Variants in PPP3CC observed in about 807,000 individuals in gnomAD.
The protein encoded by PPP3CC is serine/threonine-protein phosphatase 2B catalytic subunit gamma isoform.
A neutral mutation model predicts 60.3 loss-of-function variants in PPP3CC; 35 were observed. The observed-to-expected ratio is 0.58, with a 90% confidence interval of 0.44 to 0.77. The LOEUF (loss-of-function observed/expected upper bound fraction) is 0.77, where lower values mean the gene tolerates loss of function less well. Among genes scored for constraint, PPP3CC ranks in the 30% least tolerant of loss-of-function variants. PPP3CC has a pLI of 0.00. For synonymous variants in PPP3CC, 206 were observed against 224.3 expected (o/e 0.92, Z 0.73); for missense variants, 570 against 628.9 (o/e 0.91, Z 1.00).
chr8:22,512,429 T>G (rs1839113738), intron 5 of PPP3CC, among the ~76,000 whole-genome samples: 1 of 152,226 alleles, frequency 6.6e-6, no homozygotes, highest in Non-Finnish European at 1.5e-5. Flanking sequence ...TTTTATGCTT[T>G]CAACTAAAGC....
At chr8:22,532,880 A>G in intron 11 of PPP3CC, 41 bp from the exon 12 acceptor site, 2 of 1,351,536 alleles carry the variant, frequency 1.5e-6, no homozygotes, top group Non-Finnish European at 1.0e-6. Flanking sequence ...CTGAATGGAG[A>G]GTTCTCGGGC....
chr8:22,482,050 G>A (rs1436760078), intron 3 of PPP3CC, among the ~76,000 whole-genome samples: 1 of 152,050 alleles, frequency 6.6e-6, no homozygotes, highest in Non-Finnish European at 1.5e-5. Context: ...GTATATACGC[G>A]ATAATGGGAT....
Position 22,441,323 on chromosome 8 carries a change from G to C in PPP3CC, c.-87G>C. ...CACGGCTGGCTGACGGCTCCGGGCA[G>C]CTAAGGCTGCCCGAGGAGAAGGCGG... On this transcript the variant is annotated 5_prime_UTR_variant, in exon 1 of 14. Transcript: ENST00000240139. 4 of 1,400,026 alleles carry C rather than the reference G, an allele frequency of 2.9e-6. No individual in the cohort carries two copies. The highest frequency in any genetic ancestry group is 2.9e-6 in the Non-Finnish European group (3 of 1,050,542). The allele number at this position is 1,400,026 out of a possible 1,614,324, so 86.7% of individuals were successfully genotyped here.
chr8:22,455,719 T>C (rs917998654), intron 1 of PPP3CC, among the ~76,000 whole-genome samples: 28 of 152,222 alleles, frequency 1.8e-4, no homozygotes, highest in African/African-American at 6.5e-4. Context: ...AGTTTTTAGC[T>C]AATACTTTGA....
chr8:22,527,314 G>A (rs1395682417), intron 8 of PPP3CC, 78 bp from the exon 9 acceptor site: 1 of 1,481,334 alleles, frequency 6.8e-7, no homozygotes, highest in African/African-American at 1.4e-5. Context: ...TGTGTAGCAG[G>A]TACACAGCTG....
intron 4 of PPP3CC, among the ~76,000 whole-genome samples, chr8:22,499,307 C>T (rs1385511809): frequency 1.3e-5 from 2 of 149,980 alleles, no homozygotes; most frequent in Non-Finnish European, 3.0e-5. Flanking sequence ...GGCGCGGTGG[C>T]GGGCGCCTGT....
At chr8:22,446,515 A>G (rs1836826013) in intron 1 of PPP3CC, among the ~76,000 whole-genome samples, 1 of 152,220 alleles carries the variant, frequency 6.6e-6, no homozygotes, top group African/African-American at 2.4e-5. Context: ...CTATTAAGGT[A>G]ACATTTTTGG....
rs949203120 is a variant in PPP3CC, at chr8:22,537,933, TG to T, written c.1322-1531del. Among the ~76,000 whole-genome samples, 186 of 152,210 alleles carry T rather than the reference TG, an allele frequency of 1.2e-3. 1 individual carries two copies. Among genetic ancestry groups the T allele is most frequent in the African/African-American group, 4.3e-3 (177 of 41,530 alleles). On this transcript the variant is annotated intron_variant, in intron 12 of 13. Coordinates refer to ENST00000240139, the MANE Select transcript of PPP3CC (RefSeq NM_005605.5). ...GAAATGGGAAGTGAGTGCTAATAAG[TG>T]GGGGATTTCTCATTGGGGCAATGAA...
intron 4 of PPP3CC, among the ~76,000 whole-genome samples, chr8:22,501,404 C>A (rs1189515919): frequency 6.6e-6 from 1 of 152,166 alleles, no homozygotes; most frequent in African/African-American, 2.4e-5. Flanking sequence ...TGGCTAGATT[C>A]TCTGTATAGG....
chr8:22,447,175 A>ATTTTTT (rs1161858120), intron 1 of PPP3CC, among the ~76,000 whole-genome samples: 6 of 116,290 alleles, frequency 5.2e-5, no homozygotes, highest in Non-Finnish European at 7.2e-5. Flanking sequence ...TGTCCAACTA[A>ATTTTTT]TTTTTTTTTT....
At chr8:22,530,402 C>T (rs1182178615) in intron 10 of PPP3CC, among the ~76,000 whole-genome samples, 4 of 151,906 alleles carry the variant, frequency 2.6e-5, no homozygotes, top group African/African-American at 7.3e-5. Context: ...TTGCAATGAG[C>T]GGAGATCTTG....
intron 1 of PPP3CC, among the ~76,000 whole-genome samples, chr8:22,474,053 C>T (rs1837812905): frequency 6.6e-6 from 1 of 151,862 alleles, no homozygotes; most frequent in Non-Finnish European, 1.5e-5. Flanking sequence ...TGTCACTACA[C>T]CTGGCTAATT....
intron 3 of PPP3CC, among the ~76,000 whole-genome samples, chr8:22,485,815 A>G (rs1838206418): frequency 6.6e-6 from 1 of 152,214 alleles, no homozygotes; most frequent in Non-Finnish European, 1.5e-5. Flanking sequence ...TTTATGAAAA[A>G]GCGAAATGTT....
intron 4 of PPP3CC, among the ~76,000 whole-genome samples, chr8:22,506,783 T>TA (rs1171648299): frequency 6.7e-6 from 1 of 150,124 alleles, no homozygotes; most frequent in Non-Finnish European, 1.5e-5. Flanking sequence ...CTACTAAAAA[T>TA]AAAAAAAAAT....
chr8:22,498,047 T>G lies in PPP3CC; in HGVS notation c.419T>G (p.Leu140Trp). ...TTAAAGATTAATCATCCCAAAACAT[T>G]GTTTCTGCTTCGGGGAAATCATGAA... ...WSLKINHPKT[L>W]FLLRGNHECR... Residue 140 changes from leucine to tryptophan, a missense_variant, in exon 4 of 14, where the codon TTG becomes TGG. Physicochemically the swap from Leu to Trp is moderately conservative, Grantham distance 61. Transcript: ENST00000240139. The G allele has an allele frequency of 6.2e-7, 1 of 1,613,464 alleles. No individual in the cohort carries two copies. The highest frequency in any genetic ancestry group is 8.5e-7 in the Non-Finnish European group (1 of 1,179,626).
In PPP3CC at chr8:22,490,922, A is replaced by G. The variant is rs539291523; in HGVS notation, c.373-7079A>G. ...AGTGCCGCAATAAACATATGTGTGC[A>G]TGTGTCTTTATAGCAGCATGACTTA... is the stretch of plus-strand genomic sequence containing the variant. On this transcript the variant is annotated intron_variant, in intron 3 of 13. Coordinates refer to ENST00000240139, the MANE Select transcript of PPP3CC (RefSeq NM_005605.5). 1.8e-4 allele frequency among the ~76,000 whole-genome samples: 28 copies of G among 152,272 alleles called. No homozygotes were observed. The East Asian group carries it at 3.7e-3, about 20-fold the overall frequency.
intron 3 of PPP3CC, among the ~76,000 whole-genome samples, chr8:22,494,154 A>G (rs947216276): frequency 1.3e-5 from 2 of 152,142 alleles, no homozygotes; most frequent in African/African-American, 4.8e-5. Context: ...GTTCTTTTTC[A>G]TGCTGCTGAT....
At chr8:22,448,606 C>T (rs1052971813) in intron 1 of PPP3CC, among the ~76,000 whole-genome samples, 11 of 151,996 alleles carry the variant, frequency 7.2e-5, no homozygotes, top group South Asian at 6.2e-4. Flanking sequence ...CTCGAGCTCC[C>T]GACCTCAGGT....
chr8:22,446,098 G>A (rs990727294), intron 1 of PPP3CC, among the ~76,000 whole-genome samples: 3 of 151,878 alleles, frequency 2.0e-5, no homozygotes, highest in Middle Eastern at 3.2e-3. Flanking sequence ...TTTGCCTTAC[G>A]TAATTTTTAG....
Sources: allele counts gnomAD v4.1 joint callset (sites outside exome capture counted in the v4.1 genomes callset), GRCh38; gene constraint gnomAD v4.1.1; transcripts MANE v1.5; gene names NCBI Gene and HGNC (gene_info 2026-07-23, HGNC 2026-07-21).